CASZ1: variants seen among roughly 807,000 people sequenced by gnomAD.
CASZ1 encodes zinc finger protein castor homolog 1.
A neutral mutation model predicts 135.2 loss-of-function variants in CASZ1; 28 were observed. The ratio of observed to expected loss-of-function variants is 0.21; its 90% CI spans 0.15 to 0.28. The LOEUF (loss-of-function observed/expected upper bound fraction) is 0.28. CASZ1 is among the 10% of genes least tolerant of loss of function. The probability of loss-of-function intolerance (pLI) is 1.00; values close to 1 mark genes in which losing one functional copy is unlikely to be tolerated. For missense variants in CASZ1, 2,161 were observed against 2,453.3 expected, an observed-to-expected ratio of 0.88 and a Z score of 2.52; for synonymous variants, 1,068 against 1,073.4, an observed-to-expected ratio of 0.99 and a Z score of 0.10.
rs375809156 is a variant in CASZ1, at chr1:10,642,883, C to T, written c.4138G>A (p.Val1380Met). 1.9e-5 allele frequency: 31 copies of T among 1,612,822 alleles called. No individual in the cohort carries two copies. Among genetic ancestry groups the T allele is most frequent in the East Asian group, 4.5e-5 (2 of 44,886 alleles). ...CCTGCCGCGGTGCTCTCGTTACCCACGGGGGTGCTGGAGCAGCTCCGGTCC... is the reference window on the plus strand; with the variant it reads ...CCTGCCGCGGTGCTCTCGTTACCCATGGGGGTGCTGGAGCAGCTCCGGTCC... ...TMDRSCSSTP[V>M]GNESTAAGNT... Residue 1380 changes from valine (V) to methionine (M), a missense_variant, in exon 20 of 21, where the codon GTG (valine) becomes ATG (methionine). By Grantham distance (21) the Val-to-Met change is conservative. This residue lies in a region of CASZ1 where 143 missense variants were observed against 128.3 expected (regional missense o/e 1.11). Transcript: ENST00000377022.
intron 2 of CASZ1, among the ~76,000 whole-genome samples, chr1:10,705,909 T>G (rs1402882715): frequency 2.6e-5 from 4 of 152,202 alleles, no homozygotes; most frequent in Non-Finnish European, 5.9e-5. Flanking sequence ...CACGCTCCCG[T>G]GGAGCTGCAG....
chr1:10,686,159 C>T (rs1638580815), intron 4 of CASZ1, among the ~76,000 whole-genome samples: 2 of 152,192 alleles, frequency 1.3e-5, no homozygotes, highest in African/African-American at 4.8e-5. Flanking sequence ...GTCCTCTCCT[C>T]TCCTTACATG....
At chr1:10,715,413 G>C (rs779627294) in intron 2 of CASZ1, among the ~76,000 whole-genome samples, 81 of 152,078 alleles carry the variant, frequency 5.3e-4, no homozygotes, top group Non-Finnish European at 1.0e-3. Context: ...CCATTAGGAA[G>C]GGACAAGGAG....
At chr1:10,749,334 A>G (rs1354548125) in intron 2 of CASZ1, among the ~76,000 whole-genome samples, 11 of 150,038 alleles carry the variant, frequency 7.3e-5, no homozygotes, top group Non-Finnish European at 1.0e-4. Context: ...TGCAGCCTCC[A>G]CTTCCCTGGT....
intron 1 of CASZ1, among the ~76,000 whole-genome samples, chr1:10,780,718 C>T (rs994564743): frequency 5.9e-5 from 9 of 151,926 alleles, no homozygotes; most frequent in Non-Finnish European, 7.4e-5. Flanking sequence ...TCTATTTTTC[C>T]GGTGCATAGG....
intron 1 of CASZ1, among the ~76,000 whole-genome samples, chr1:10,780,531 CT>C: frequency 6.6e-6 from 1 of 152,122 alleles, no homozygotes; most frequent in East Asian, 1.9e-4. Context: ...AAACCATATT[CT>C]TTTATGATTA....
chr1:10,654,332 C>T, intron 10 of CASZ1, 87 bp downstream of exon 10: 1 of 1,576,758 alleles, frequency 6.3e-7, no homozygotes, highest in Non-Finnish European at 8.6e-7. Flanking sequence ...GACACCGAGG[C>T]AGGGGCCTGA....
At chr1:10,751,211 C>T (rs1360025264) in intron 2 of CASZ1, among the ~76,000 whole-genome samples, 1 of 152,064 alleles carries the variant, frequency 6.6e-6, no homozygotes, top group Non-Finnish European at 1.5e-5. Flanking sequence ...TTATTAATCC[C>T]CAGAATCAAA....
At chr1:10,764,657 T>C (rs142735671) in intron 1 of CASZ1, among the ~76,000 whole-genome samples, 109 of 152,268 alleles carry the variant, frequency 7.2e-4, no homozygotes, top group African/African-American at 2.5e-3. Flanking sequence ...TAAAAGGTCA[T>C]CCTGCTCCCC....
rs1194066214 is a variant in CASZ1 at position 10,657,996 on chromosome 1, CTTT to C, written c.1409+509_1409+511del. 8 of 126,144 alleles carry C rather than the reference CTTT, an allele frequency of 6.3e-5. No homozygotes were observed. The highest frequency in any genetic ancestry group is 4.9e-4 in the South Asian group (2 of 4,078). The allele number at this position is 126,144 out of a possible 1,614,324, so 7.8% of individuals were successfully genotyped here. A position where few individuals can be genotyped will look rare whatever the true frequency, so the allele number is the denominator to read the frequency against. ...ACCTTCTCTCTCGCTTTCTCTCTCT[CTTT>C]TTTTTTTTTTTTTTAAAGAGATAGG... On this transcript the variant is annotated intron_variant, in intron 7 of 20. Coordinates refer to ENST00000377022, the MANE Select transcript of CASZ1 (RefSeq NM_001079843.3). This position sits in a 1 kb window ranked among gnomAD's most constrained non-coding sequence, Gnocchi z 5.7.
At chr1:10,716,545 C>G (rs966409050) in intron 2 of CASZ1, among the ~76,000 whole-genome samples, 3 of 152,232 alleles carry the variant, frequency 2.0e-5, no homozygotes, top group Non-Finnish European at 4.4e-5. Context: ...CTGTGCTGAG[C>G]GTAAAGCCAG....
chr1:10,664,698 C>CA (rs1457250106), intron 5 of CASZ1, among the ~76,000 whole-genome samples: 3 of 152,074 alleles, frequency 2.0e-5, no homozygotes, highest in African/African-American at 7.2e-5. Flanking sequence ...CCTCTTGTGC[C>CA]AGGTACTGTG....
chr1:10,729,720 C>T (rs774802571), intron 2 of CASZ1, among the ~76,000 whole-genome samples: 9 of 152,236 alleles, frequency 5.9e-5, no homozygotes, highest in Non-Finnish European at 1.3e-4. Context: ...GCGGAACTGC[C>T]GGCGTCCCGG....
chr1:10,637,027 C>A lies in CASZ1; in HGVS notation c.*1915G>T, dbSNP rs1349761377. 2.6e-5 allele frequency: 4 copies of A among 152,102 alleles called. No individual in the cohort carries two copies. Among genetic ancestry groups the A allele is most frequent in the African/African-American group, 9.7e-5 (4 of 41,348 alleles). 9.4% of individuals were successfully genotyped at this position (152,102 alleles called of 1,614,324 possible). On this transcript the variant is annotated 3_prime_UTR_variant, in exon 21 of 21. Transcript: ENST00000377022. ...AAAACAAAAATTACACGTTAAAATT[C>A]AAAATGAGCTAGCAATGGCTTATAG...
intron 1 of CASZ1, among the ~76,000 whole-genome samples, chr1:10,791,774 T>C (rs561154327): frequency 9.9e-5 from 15 of 152,198 alleles, no homozygotes; most frequent in Non-Finnish European, 1.9e-4. Flanking sequence ...GAGAGATGAC[T>C]TTCCTTGAAT....
At chr1:10,728,925 A>G (rs1216192575) in intron 2 of CASZ1, among the ~76,000 whole-genome samples, 1 of 152,128 alleles carries the variant, frequency 6.6e-6, no homozygotes, top group Non-Finnish European at 1.5e-5. Context: ...CTGGGATGGG[A>G]AAGTTGGGAA....
chr1:10,751,704 C>T (rs1307884365), intron 2 of CASZ1, among the ~76,000 whole-genome samples: 1 of 152,192 alleles, frequency 6.6e-6, no homozygotes, highest in East Asian at 1.9e-4. Flanking sequence ...CGTGCGGCAC[C>T]CCCGGCCCCC....
Position 10,643,166 on chromosome 1 carries a change from G to T in CASZ1, c.4014C>A (p.Pro1338=), listed in dbSNP as rs771588767. The T allele has an allele frequency of 1.2e-6, 2 of 1,611,042 alleles. No individual in the cohort carries two copies. Among genetic ancestry groups the T allele is most frequent in the Non-Finnish European group, 1.7e-6 (2 of 1,179,572 alleles). Residue 1338 remains proline (P), a synonymous_variant, in exon 19 of 21, where the codon CCC becomes CCA. Transcript: ENST00000377022. ...MLGKNFDRVP[P]SQGPPGLMDA... ...ACCTGGGGGGGGCTCTCACCTGGGA[G>T]GGGGGCACGCGGTCGAAGTTCTTCC...
rs180723689 is a variant in CASZ1, at chr1:10,768,055, G to A, written c.-233-7198C>T. On this transcript the variant is annotated intron_variant, in intron 1 of 20. Coordinates refer to ENST00000377022, the MANE Select transcript of CASZ1 (RefSeq NM_001079843.3). Reference sequence around the variant, plus strand: ...GAGCTGGAAGACCCTCACAAGGAGCGGGAGGCCTGCACAGGATTCAGGGAG... The same window carrying A: ...GAGCTGGAAGACCCTCACAAGGAGCAGGAGGCCTGCACAGGATTCAGGGAG... 6.7e-4 allele frequency among the ~76,000 whole-genome samples: 102 copies of A among 152,346 alleles called. 1 individual carries two copies. Among genetic ancestry groups the A allele is most frequent in the African/African-American group, 2.1e-3 (88 of 41,588 alleles).
Sources: gnomAD v4.1 joint callset for allele counts (sites outside exome capture counted in the v4.1 genomes callset) on GRCh38, gnomAD v4.1.1 for gene constraint, gnomAD v4.1.1 regional missense constraint, Gnocchi (gnomAD v3.1) non-coding constraint, MANE v1.5 for transcripts, NCBI Gene and HGNC (gene_info 2026-07-23, HGNC 2026-07-21) for gene names.